The following SYT16 variants were observed in gnomAD, a reference collection of about 807,000 sequenced individuals.
The protein encoded by SYT16 is synaptotagmin-16.
In SYT16, 42 loss-of-function variants were observed where a neutral mutation model predicts 61.4. The ratio of observed to expected loss-of-function variants is 0.68; its 90% CI spans 0.53 to 0.89. SYT16 has a LOEUF of 0.89. SYT16 is among the 40% of genes least tolerant of loss of function. SYT16 has a pLI of 0.00. For missense variants in SYT16, 804 were observed against 807.3 expected (o/e 1.00, Z 0.05); for synonymous variants, 314 against 302.3 (o/e 1.04, Z -0.40).
intron 1 of SYT16, among the ~76,000 whole-genome samples, chr14:61,856,585 G>C (rs2046782501): frequency 6.6e-6 from 1 of 152,038 alleles, no homozygotes; most frequent in Non-Finnish European, 1.5e-5. Flanking sequence ...GAAGGAGCGG[G>C]TTTGGGCGGG....
chr14:61,958,164 C>T (rs920517058), intron 1 of SYT16, among the ~76,000 whole-genome samples: 46 of 151,164 alleles, frequency 3.0e-4, no homozygotes, highest in African/African-American at 1.0e-3. Flanking sequence ...TTTTGAGTTC[C>T]CTTTTTTTTC....
chr14:62,055,721 A>G (rs2055524150), intron 3 of SYT16, among the ~76,000 whole-genome samples: 1 of 152,212 alleles, frequency 6.6e-6, no homozygotes, highest in South Asian at 2.1e-4. Context: ...GGGCTGATAT[A>G]GGTGTATTAG....
chr14:61,832,361 A>G (rs1205232299), intron 1 of SYT16: 1 of 565,792 alleles, frequency 1.8e-6, no homozygotes, highest in African/African-American at 1.9e-5. Context: ...CTACCCTGGT[A>G]GCCAACATTC....
intron 1 of SYT16, among the ~76,000 whole-genome samples, chr14:61,854,535 T>C (rs781133130): frequency 2.0e-4 from 30 of 152,364 alleles, no homozygotes; most frequent in Admixed American, 7.2e-4. Context: ...TGCCTTTCCT[T>C]TTTTCACATG....
intron 3 of SYT16, among the ~76,000 whole-genome samples, chr14:62,068,366 AAAACAAAAC>A (rs1011514045): frequency 2.9e-3 from 1 of 350 alleles, no homozygotes; most frequent in African/African-American, 0.038. Context: ...GGAATCTAAA[AAAACAAAAC>A]AAAACAAAAC....
At chr14:61,999,503 G>A (rs911736479) in intron 3 of SYT16, among the ~76,000 whole-genome samples, 6 of 151,546 alleles carry the variant, frequency 4.0e-5, no homozygotes, top group African/African-American at 1.2e-4. Context: ...TTGTTGATCT[G>A]TCTGGCTAGA....
At chr14:61,980,784 G>C (rs2052035157) in intron 2 of SYT16, among the ~76,000 whole-genome samples, 1 of 152,134 alleles carries the variant, frequency 6.6e-6, no homozygotes, top group South Asian at 2.1e-4. Flanking sequence ...TATAAACATG[G>C]TAAGGGCTTA....
At chr14:62,012,812 G>C (rs1466655493) in intron 3 of SYT16, among the ~76,000 whole-genome samples, 1 of 152,108 alleles carries the variant, frequency 6.6e-6, no homozygotes, top group Non-Finnish European at 1.5e-5. Flanking sequence ...TTGTTCTTAA[G>C]ATGATTTTGG....
At chr14:62,030,106 A>G (rs192350034) in intron 3 of SYT16, among the ~76,000 whole-genome samples, 2 of 152,320 alleles carry the variant, frequency 1.3e-5, no homozygotes, top group Admixed American at 1.3e-4. Context: ...TAGCACAGAT[A>G]AGCTGTAAGA....
intron 1 of SYT16, among the ~76,000 whole-genome samples, chr14:61,820,851 A>G (rs549901797): frequency 6.6e-6 from 1 of 152,318 alleles, no homozygotes; most frequent in East Asian, 1.9e-4. Flanking sequence ...AAAGCTTAAT[A>G]TGCTAGTAAT....
At chr14:62,064,855 A>C (rs2055991615) in intron 3 of SYT16, among the ~76,000 whole-genome samples, 1 of 152,214 alleles carries the variant, frequency 6.6e-6, no homozygotes, top group Admixed American at 6.5e-5. Flanking sequence ...AATGCCTGGC[A>C]TGTGATAAAT....
chr14:61,865,116 C>G (rs1241906582), intron 1 of SYT16: 1 of 1,326,604 alleles, frequency 7.5e-7, no homozygotes, highest in Non-Finnish European at 1.1e-6. Context: ...GACTATGAAG[C>G]CTTCTGTGGC....
intron 1 of SYT16, among the ~76,000 whole-genome samples, chr14:61,826,328 G>C (rs1416234956): frequency 6.6e-6 from 1 of 152,054 alleles, no homozygotes; most frequent in African/African-American, 2.4e-5. Context: ...GACATGGGCA[G>C]AACATGAACT....
At position 62,069,631 on chromosome 14, in the gene SYT16, G is replaced by A. The variant is rs1351631042; in HGVS notation, c.552G>A (p.Leu184=). ...QVNSFGDDEE[L]STSSDSDEEV... ...ACAGCTTTGGGGATGACGAAGAGCTGTCCACATCTTCTGACAGTGACGAGG... is the reference window on the plus strand; with the variant it reads ...ACAGCTTTGGGGATGACGAAGAGCTATCCACATCTTCTGACAGTGACGAGG... The change falls in exon 4 of 8, where the codon CTG becomes CTA. Residue 184 remains leucine (L), a synonymous_variant. Coordinates refer to ENST00000683842, the MANE Select transcript of SYT16 (RefSeq NM_001367656.1). 6.2e-7 allele frequency: 1 copy of A among 1,613,816 alleles called. No homozygotes were observed. The highest frequency in any genetic ancestry group is 8.5e-7 in the Non-Finnish European group (1 of 1,179,876).
chr14:62,040,774 A>G (rs1385143072), intron 3 of SYT16, among the ~76,000 whole-genome samples: 2 of 152,048 alleles, frequency 1.3e-5, no homozygotes, highest in Non-Finnish European at 2.9e-5. Context: ...GGAACTGGAG[A>G]GCAGAAAGTA....
chr14:62,010,356 T>C (rs1187644921), intron 3 of SYT16, among the ~76,000 whole-genome samples: 3 of 152,180 alleles, frequency 2.0e-5, no homozygotes, highest in Admixed American at 1.3e-4. Flanking sequence ...AGGGTGGTCC[T>C]ATATTTTATA....
chr14:61,989,587 A>T (rs2052463070), intron 2 of SYT16, among the ~76,000 whole-genome samples: 1 of 152,140 alleles, frequency 6.6e-6, no homozygotes, highest in Non-Finnish European at 1.5e-5. Context: ...AACAACAACA[A>T]CAAAAAATTG....
intron 1 of SYT16, among the ~76,000 whole-genome samples, chr14:61,920,606 G>A (rs1441965685): frequency 3.3e-5 from 5 of 152,042 alleles, no homozygotes; most frequent in East Asian, 1.9e-4. Flanking sequence ...GGGGTGTCCC[G>A]TCGGCACTGT....
intron 3 of SYT16, among the ~76,000 whole-genome samples, chr14:62,003,264 T>C (rs936415279): frequency 6.6e-6 from 1 of 152,036 alleles, no homozygotes; most frequent in Non-Finnish European, 1.5e-5. Flanking sequence ...ACAGCAGCTT[T>C]CTCTGCCCCT....
Sources: allele counts gnomAD v4.1 joint callset (sites outside exome capture counted in the v4.1 genomes callset), GRCh38; gene constraint gnomAD v4.1.1; transcripts MANE v1.5; gene names NCBI Gene and HGNC (gene_info 2026-07-23, HGNC 2026-07-21).